JAM3: variants seen among roughly 807,000 people sequenced by gnomAD.
JAM3 encodes junctional adhesion molecule 3.
In JAM3, 31 loss-of-function variants were observed where a neutral mutation model predicts 39.4. That is an observed-to-expected ratio of 0.79 (90% confidence interval 0.59 to 1.06). The LOEUF (loss-of-function observed/expected upper bound fraction) is 1.06. Among genes scored for constraint, JAM3 ranks in the 50% least tolerant of loss-of-function variants. JAM3 has a pLI of 0.00. For synonymous variants in JAM3, 182 were observed against 148.7 expected, an observed-to-expected ratio of 1.22 and a Z score of -1.63; for missense variants, 455 against 391.4, an observed-to-expected ratio of 1.16 and a Z score of -1.37.
In JAM3 at chr11:134,069,090, C is replaced by T. The variant is rs757233712; in HGVS notation, c.7C>T (p.Leu3=). The T allele has an allele frequency of 6.8e-6, 11 of 1,611,428 alleles. No homozygotes were observed. The East Asian group carries it at 1.3e-4, about 20-fold the overall frequency. MA[L]RRPPRLRLCA... ...CCCCTCAGCAACCCTCGACATGGCG[C>T]TGAGGCGGCCACCGCGACTCCGGCT... The change falls in exon 1 of 9, where the codon CTG becomes TTG. Residue 3 remains leucine, a synonymous_variant. Transcript: ENST00000299106.
At chr11:134,115,043 T>C (rs1942397596) in intron 1 of JAM3, among the ~76,000 whole-genome samples, 1 of 152,236 alleles carries the variant, frequency 6.6e-6, no homozygotes, top group Non-Finnish European at 1.5e-5. Flanking sequence ...TACATACATG[T>C]TTAGAATTTT....
At position 134,149,253 on chromosome 11, in the gene JAM3, G is replaced by T. The variant is rs942069445; in HGVS notation, c.*72G>T. Reference sequence around the variant, plus strand: ...TCTGCTAGAAACTCCTGTCAAGGCAGCGAGAGCTGATGCACTCGGACAGAG... The same window carrying T: ...TCTGCTAGAAACTCCTGTCAAGGCATCGAGAGCTGATGCACTCGGACAGAG... On this transcript the variant is annotated 3_prime_UTR_variant, in exon 9 of 9. Coordinates refer to ENST00000299106, the MANE Select transcript of JAM3 (RefSeq NM_032801.5). The T allele has an allele frequency of 1.9e-6, 3 of 1,587,552 alleles. No individual in the cohort carries two copies. In the African/African-American group the frequency reaches 4.0e-5, roughly 21 times the overall value.
rs527242220 is a variant in JAM3 at position 134,120,019 on chromosome 11, A to T, written c.77-19832A>T. On this transcript the variant is annotated intron_variant, in intron 1 of 8. Transcript: ENST00000299106. ...GGGTGAGTGGGTCTGTAAAATGCTG[A>T]TATGTGTTCTTTATCCACCCCCACC... Among the ~76,000 whole-genome samples, 5 of 152,252 alleles carry T rather than the reference A, an allele frequency of 3.3e-5. No individual in the cohort carries two copies. In the East Asian group the frequency reaches 9.7e-4, roughly 29 times the overall value.
chr11:134,080,423 A>C (rs1401074803), intron 1 of JAM3, among the ~76,000 whole-genome samples: 1 of 152,186 alleles, frequency 6.6e-6, no homozygotes, highest in Non-Finnish European at 1.5e-5. Flanking sequence ...TGTAGCTCCC[A>C]TAATTTCCTC....
At chr11:134,085,342 A>G (rs1258384581) in intron 1 of JAM3, among the ~76,000 whole-genome samples, 1 of 152,218 alleles carries the variant, frequency 6.6e-6, no homozygotes, top group African/African-American at 2.4e-5. Context: ...GCTAAAGGGA[A>G]GTCTTAACTA....
At chr11:134,100,084 A>G (rs7118831) in intron 1 of JAM3, among the ~76,000 whole-genome samples, 4,709 of 152,258 alleles carry the variant, frequency 0.031, 244 homozygotes, top group African/African-American at 0.11. Flanking sequence ...GAGTGACATT[A>G]TATCTTTAAT....
intron 1 of JAM3, among the ~76,000 whole-genome samples, chr11:134,107,643 T>C (rs1204187077): frequency 1.3e-5 from 2 of 152,102 alleles, no homozygotes; most frequent in Non-Finnish European, 2.9e-5. Flanking sequence ...AGTGAGTTCA[T>C]CTACTTTATG....
Position 134,108,218 on chromosome 11 carries a change from C to T in JAM3, c.77-31633C>T, listed in dbSNP as rs548267336. Among the ~76,000 whole-genome samples, 19 of 152,118 alleles carry T rather than the reference C, an allele frequency of 1.2e-4. No individual in the cohort carries two copies. In the East Asian group the frequency reaches 2.7e-3, roughly 22 times the overall value. ...CAAATAAATTTCTTGAAAGACACAA[C>T]TACCAAAGCTCACTCAAGAAGAAAT... On this transcript the variant is annotated intron_variant, in intron 1 of 8. Transcript: ENST00000299106.
chr11:134,093,665 C>T (rs1397746665), intron 1 of JAM3, among the ~76,000 whole-genome samples: 1 of 123,556 alleles, frequency 8.1e-6, no homozygotes, highest in African/African-American at 3.2e-5. Flanking sequence ...AGGGAAGCTT[C>T]TCCTGAGCCC....
rs968764441 is a variant in JAM3, at chr11:134,143,263, T to G, written c.257-978T>G. 2.0e-5 allele frequency among the ~76,000 whole-genome samples: 3 copies of G among 152,254 alleles called. No homozygotes were observed. In the East Asian group the frequency reaches 5.8e-4, roughly 29 times the overall value. ...CAACACTTGTTATTGTCTGACTTGT[T>G]AAGTTCTAGCCATCTTAGTGGGTTG... On this transcript the variant is annotated intron_variant, in intron 3 of 8. Transcript: ENST00000299106.
At chr11:134,139,205 T>C (rs1942928198) in intron 1 of JAM3, among the ~76,000 whole-genome samples, 1 of 152,218 alleles carries the variant, frequency 6.6e-6, no homozygotes, top group Non-Finnish European at 1.5e-5. Flanking sequence ...TTGAAAGGGA[T>C]TGCCATGCAA....
intron 1 of JAM3, among the ~76,000 whole-genome samples, chr11:134,092,148 G>C (rs541287797): frequency 3.0e-4 from 45 of 152,236 alleles, no homozygotes; most frequent in African/African-American, 1.1e-3. Context: ...CCTCCCTGCA[G>C]TGGCCTCTTG....
At chr11:134,142,279 G>A (rs919934204) in intron 3 of JAM3, among the ~76,000 whole-genome samples, 2 of 152,144 alleles carry the variant, frequency 1.3e-5, no homozygotes, top group Non-Finnish European at 2.9e-5. Context: ...CTCTTTCCTC[G>A]CCTCAGTGCA....
chr11:134,082,773 A>G (rs1020896888), intron 1 of JAM3, among the ~76,000 whole-genome samples: 1 of 152,156 alleles, frequency 6.6e-6, no homozygotes, highest in South Asian at 2.1e-4. Context: ...GAAAAGTTTT[A>G]TATACTATTT....
At position 134,110,920 on chromosome 11, in the gene JAM3, G is replaced by A. The variant is rs559721004; in HGVS notation, c.77-28931G>A. On this transcript the variant is annotated intron_variant, in intron 1 of 8. Coordinates refer to ENST00000299106, the MANE Select transcript of JAM3 (RefSeq NM_032801.5). ...CTCTGATGTGTGGCCATGTGAATGA[G>A]TGATCTGGTGAAAAAGGATACACTA... is the stretch of plus-strand genomic sequence containing the variant. Among the ~76,000 whole-genome samples, 430 of 152,130 alleles carry A rather than the reference G, an allele frequency of 2.8e-3. 1 individual carries two copies. The highest frequency in any genetic ancestry group is 4.8e-3 in the Non-Finnish European group (328 of 68,010).
chr11:134,082,683 C>T (rs1260129435), intron 1 of JAM3, among the ~76,000 whole-genome samples: 1 of 152,152 alleles, frequency 6.6e-6, no homozygotes, highest in Non-Finnish European at 1.5e-5. Flanking sequence ...TATGATAAAC[C>T]TATTTCTTTT....
intron 1 of JAM3, among the ~76,000 whole-genome samples, chr11:134,129,625 C>T (rs544586110): frequency 1.3e-5 from 2 of 152,288 alleles, no homozygotes; most frequent in South Asian, 2.1e-4. Context: ...ACTTACTTAT[C>T]TTCAGTTATT....
chr11:134,137,276 T>C (rs1053040397), intron 1 of JAM3, among the ~76,000 whole-genome samples: 3 of 152,372 alleles, frequency 2.0e-5, no homozygotes, highest in African/African-American at 4.8e-5. Flanking sequence ...CATATCTCAG[T>C]TGGCCTTCAC....
rs150938117 is a variant in JAM3, at chr11:134,094,426, G to C, written c.76+25267G>C. Among the ~76,000 whole-genome samples, 1,021 of 135,676 alleles carry C rather than the reference G, an allele frequency of 7.5e-3. 85 individuals carry two copies. Among genetic ancestry groups the C allele is most frequent in the African/African-American group, 0.028 (956 of 33,996 alleles). The allele number at this position is 135,676 out of a possible 152,430, so 89.0% of individuals were successfully genotyped here. A position where few individuals can be genotyped will look rare whatever the true frequency, so the allele number is the denominator to read the frequency against. On this transcript the variant is annotated intron_variant, in intron 1 of 8. Coordinates refer to ENST00000299106, the MANE Select transcript of JAM3 (RefSeq NM_032801.5). Reference sequence around the variant, plus strand: ...TGTTCCACCTTAAATGTGACTTCCTGAGGAAAGCTTCTCCTGAACCCTCCT... The same window carrying C: ...TGTTCCACCTTAAATGTGACTTCCTCAGGAAAGCTTCTCCTGAACCCTCCT...
Sources: allele counts gnomAD v4.1 joint callset (sites outside exome capture counted in the v4.1 genomes callset), GRCh38; gene constraint gnomAD v4.1.1; transcripts MANE v1.5; gene names NCBI Gene and HGNC (gene_info 2026-07-23, HGNC 2026-07-21).